Variants in MICAL2 observed in about 807,000 individuals in gnomAD.
MICAL2 encodes microtubule associated monooxygenase, calponin and LIM domain containing 2, also known as [F-actin]-monooxygenase MICAL2.
In MICAL2, 77 loss-of-function variants were observed where a neutral mutation model predicts 127.3. That is an observed-to-expected ratio of 0.60 (90% CI 0.50 to 0.73). The LOEUF is 0.73. Ranked by LOEUF, MICAL2 falls within the 30% of genes least tolerant of loss-of-function variation. The pLI, the probability that MICAL2 is intolerant of heterozygous loss-of-function variation, is 0.00. For synonymous variants in MICAL2, 570 were observed against 551.1 expected (o/e 1.03, Z -0.48); for missense variants, 1,351 against 1,434.4 (o/e 0.94, Z 0.94).
intron 15 of MICAL2, among the ~76,000 whole-genome samples, chr11:12,228,684 G>A (rs1857801599): frequency 2.6e-5 from 4 of 152,310 alleles, no homozygotes; most frequent in South Asian, 4.1e-4. Context: ...GAGTCGGGAA[G>A]CCCACGGAGG....
downstream of MICAL2, chr11:12,292,336 C>T (rs1389356748): frequency 1.2e-6 from 2 of 1,607,760 alleles, no homozygotes; most frequent in Non-Finnish European, 1.7e-6. Context: ...TGTCAGGAAG[C>T]TAACCTACCT....
chr11:12,241,696 C>T (rs774711565), intron 18 of MICAL2, among the ~76,000 whole-genome samples: 6 of 152,186 alleles, frequency 3.9e-5, no homozygotes, highest in South Asian at 2.1e-4. Flanking sequence ...GAATCTGAAC[C>T]GAATCACTGT....
chr11:12,293,831 A>C (rs1369043927), downstream of MICAL2: 3 of 1,605,740 alleles, frequency 1.9e-6, no homozygotes, highest in Non-Finnish European at 2.6e-6. Context: ...CCCACACCCC[A>C]TCTGGGGGAA....
At position 12,256,951 on chromosome 11, in the gene MICAL2, A is replaced by T. The variant is rs773138139; in HGVS notation, c.3122A>T (p.Tyr1041Phe). The change falls in exon 24 of 28, where the codon TAC (tyrosine) becomes TTC (phenylalanine). Residue 1041 changes from tyrosine to phenylalanine, a missense_variant. Around this residue, in one of 2 missense-constraint regions of MICAL2, gnomAD observed 752 missense variants for 719.4 expected, o/e 1.05. Coordinates refer to ENST00000683283, the MANE Select transcript of MICAL2 (RefSeq NM_001282663.2). Reference sequence around the variant, plus strand: ...GCCACCACCTTGCGCCTGGCCGCCTACACCTTTGACTGCGATGAAGGTAAC... The same window carrying T: ...GCCACCACCTTGCGCCTGGCCGCCTTCACCTTTGACTGCGATGAAGGTAAC... Reference protein sequence around the residue: ...ICATTLRLAAYTFDCDEGKFY... With the variant: ...ICATTLRLAAFTFDCDEGKFY... 1 of 1,613,518 alleles carries T rather than the reference A, an allele frequency of 6.2e-7. No homozygotes were observed. The highest frequency in any genetic ancestry group is 2.2e-5 in the East Asian group (1 of 44,882).
At chr11:12,134,972 T>C (rs1251874322) in intron 1 of MICAL2, among the ~76,000 whole-genome samples, 1 of 152,230 alleles carries the variant, frequency 6.6e-6, no homozygotes, top group South Asian at 2.1e-4. Flanking sequence ...CAGTGCACTA[T>C]GGCTGCAGGC....
chr11:12,276,499 G>A (rs543941827), intron 1 of MICAL2: 19 of 192,154 alleles, frequency 9.9e-5, no homozygotes, highest in Non-Finnish European at 1.4e-4. Flanking sequence ...TGCAGAATGG[G>A]TGTCACCTGT....
intron 29 of MICAL2, among the ~76,000 whole-genome samples, chr11:12,316,777 G>A (rs73422758): frequency 0.019 from 2,886 of 152,184 alleles, 101 homozygotes; most frequent in African/African-American, 0.064. Flanking sequence ...GAATTAAATA[G>A]GCAGTAAAGA....
In MICAL2 at chr11:12,204,419, T is replaced by C. The variant is rs913039169; in HGVS notation, c.434T>C (p.Phe145Ser). 3 of 1,614,058 alleles carry C rather than the reference T, an allele frequency of 1.9e-6. No homozygotes were observed. Among genetic ancestry groups the C allele is most frequent in the Non-Finnish European group, 2.5e-6 (3 of 1,180,024 alleles). The change falls in exon 4 of 28, where the codon TTC (phenylalanine) becomes TCC (serine). Residue 145 changes from phenylalanine (F) to serine (S), a missense_variant. Phe to Ser is a radical substitution (Grantham distance 155). Around this residue, in one of 2 missense-constraint regions of MICAL2, gnomAD observed 599 missense variants for 714.9 expected, o/e 0.84. Coordinates refer to ENST00000683283, the MANE Select transcript of MICAL2 (RefSeq NM_001282663.2). ...CTTCGTGGCCTGGGAGCCAAGAAGT[T>C]CTATGGGAAGTTCTGTGCTGGCTCC... ...HDLRGLGAKK[F>S]YGKFCAGSID...
Position 12,258,420 on chromosome 11 carries a change from A to G in MICAL2, c.3143-48A>G, listed in dbSNP as rs971047859. 7 of 1,438,192 alleles carry G rather than the reference A, an allele frequency of 4.9e-6. No individual in the cohort carries two copies. The South Asian group carries it at 5.7e-5, about 12-fold the overall frequency. 89.1% of individuals were successfully genotyped at this position (1,438,192 alleles called of 1,614,324 possible). On this transcript the variant is annotated intron_variant, in intron 24 of 27. Coordinates refer to ENST00000683283, the MANE Select transcript of MICAL2 (RefSeq NM_001282663.2). ...ACTTGGCTTTTGTCTACTTAGCTCT[A>G]GTTTACAGGAGAAAAATTTTTCTGT...
chr11:12,265,468 C>T (rs895207812), downstream of MICAL2, among the ~76,000 whole-genome samples: 2 of 152,122 alleles, frequency 1.3e-5, no homozygotes, highest in African/African-American at 4.8e-5. Context: ...ATAGGAAGAA[C>T]ACCACACAGG....
At chr11:12,299,191 T>A (rs1249015650) in intron 29 of MICAL2, among the ~76,000 whole-genome samples, 1 of 152,228 alleles carries the variant, frequency 6.6e-6, no homozygotes, top group Non-Finnish European at 1.5e-5. Flanking sequence ...AAGAGTTTTG[T>A]GTTTCTTTCA....
In MICAL2 at chr11:12,226,108, G is replaced by A. The variant is rs570154903; in HGVS notation, c.1689-63G>A. 5.2e-6 allele frequency: 8 copies of A among 1,535,290 alleles called. No homozygotes were observed. The South Asian group carries it at 6.8e-5, about 13-fold the overall frequency. Reference sequence around the variant, plus strand: ...TCAGTGCTCCTTACCACCTGAAGGTGCTCAGCTCGCCACACCTCTGCCTCC... The same window carrying A: ...TCAGTGCTCCTTACCACCTGAAGGTACTCAGCTCGCCACACCTCTGCCTCC... On this transcript the variant is annotated intron_variant, in intron 13 of 27. Transcript: ENST00000683283.
intron 32 of MICAL2, among the ~76,000 whole-genome samples, chr11:12,346,774 C>G (rs1328714203): frequency 1.3e-5 from 2 of 152,238 alleles, no homozygotes; most frequent in Non-Finnish European, 2.9e-5. Context: ...TTTACTCGCC[C>G]CTGTCCGGCA....
Position 12,228,222 on chromosome 11 carries a change from C to T in MICAL2, c.1995+1091C>T, listed in dbSNP as rs527675151. ...ACAGGTGCCTGTAATCCCAGCTACTCGGGAGGCTGAGGCAGGAGAATCGCT... is the reference window on the plus strand; with the variant it reads ...ACAGGTGCCTGTAATCCCAGCTACTTGGGAGGCTGAGGCAGGAGAATCGCT... On this transcript the variant is annotated intron_variant, in intron 15 of 27. Transcript: ENST00000683283. Among the ~76,000 whole-genome samples, 212 of 152,102 alleles carry T rather than the reference C, an allele frequency of 1.4e-3. 1 individual carries two copies. Among genetic ancestry groups the T allele is most frequent in the Admixed American group, 3.5e-3 (53 of 15,288 alleles).
intron 3 of MICAL2, among the ~76,000 whole-genome samples, chr11:12,165,352 T>C (rs1407116495): frequency 6.6e-6 from 1 of 152,180 alleles, no homozygotes; most frequent in South Asian, 2.1e-4. Flanking sequence ...GGTCCTCACC[T>C]CTTCCAACAT....
At chr11:12,186,697 G>A (rs377369469) in intron 3 of MICAL2, among the ~76,000 whole-genome samples, 88 of 152,282 alleles carry the variant, frequency 5.8e-4, no homozygotes, top group Non-Finnish European at 1.1e-3. Flanking sequence ...TGCCTCTTAC[G>A]GGCTCAAGAG....
At chr11:12,253,427 T>G (rs1183800955) in intron 22 of MICAL2, 1 of 152,136 alleles carries the variant, frequency 6.6e-6, no homozygotes, top group Non-Finnish European at 1.5e-5. Context: ...TGGGCTGTGG[T>G]CCTGCTGGGA....
intron 2 of MICAL2, among the ~76,000 whole-genome samples, chr11:12,139,891 C>T (rs1304440290): frequency 6.6e-6 from 1 of 152,170 alleles, no homozygotes; most frequent in Non-Finnish European, 1.5e-5. Flanking sequence ...TTCTGTTGAA[C>T]ACACGTGCTG....
chr11:12,289,576 T>G (rs1215979365), downstream of MICAL2, among the ~76,000 whole-genome samples: 2 of 132,298 alleles, frequency 1.5e-5, no homozygotes, highest in Non-Finnish European at 3.4e-5. Flanking sequence ...GTTTTTTTTT[T>G]TTTTCTTCTT....
Sources: allele counts gnomAD v4.1 joint callset (sites outside exome capture counted in the v4.1 genomes callset), GRCh38; gene constraint gnomAD v4.1.1; regional missense constraint gnomAD v4.1.1; transcripts MANE v1.5; gene names NCBI Gene and HGNC (gene_info 2026-07-23, HGNC 2026-07-21).